The following PARP8 variants were observed in gnomAD, a reference collection of about 807,000 sequenced individuals.
The protein encoded by PARP8 is poly(ADP-ribose) polymerase family member 8.
PARP8 carries 51 observed loss-of-function variants against 124.1 expected under a neutral mutation model. The ratio of observed to expected loss-of-function variants is 0.41; its 90% CI spans 0.33 to 0.52. PARP8 has a LOEUF of 0.52. PARP8 is among the 20% of genes least tolerant of loss of function. The probability of loss-of-function intolerance (pLI) is 0.21; values close to 1 mark genes in which losing one functional copy is unlikely to be tolerated. For synonymous variants in PARP8, 391 were observed against 361.5 expected (o/e 1.08, Z -0.93); for missense variants, 860 against 1,018.9 (o/e 0.84, Z 2.12).
chr5:50,726,494 G>T (rs1160353234), intron 2 of PARP8, among the ~76,000 whole-genome samples: 1 of 152,116 alleles, frequency 6.6e-6, no homozygotes, highest in Admixed American at 6.6e-5. Context: ...CACATGATTA[G>T]CATCACTAAC....
chr5:50,720,248 A>T (rs1755742296), intron 2 of PARP8, among the ~76,000 whole-genome samples: 1 of 152,100 alleles, frequency 6.6e-6, no homozygotes, highest in African/African-American at 2.4e-5. Flanking sequence ...GGATTTGGGA[A>T]GTAGTACGTT....
At chr5:50,697,098 C>G (rs182750646) in intron 2 of PARP8, among the ~76,000 whole-genome samples, 1 of 152,186 alleles carries the variant, frequency 6.6e-6, no homozygotes, top group Non-Finnish European at 1.5e-5. Flanking sequence ...GAAACTCCTT[C>G]TCTATTCAGA....
chr5:50,790,277 T>A (rs1404272104), intron 10 of PARP8, among the ~76,000 whole-genome samples: 1 of 152,088 alleles, frequency 6.6e-6, no homozygotes, highest in African/African-American at 2.4e-5. Context: ...CAGGATAAAT[T>A]TTCTCAGTTT....
At chr5:50,717,921 A>G (rs1265944207) in intron 2 of PARP8, among the ~76,000 whole-genome samples, 7 of 151,852 alleles carry the variant, frequency 4.6e-5, no homozygotes, top group African/African-American at 1.7e-4. Flanking sequence ...TAACAAGCAG[A>G]AGCCCAGTTT....
intron 7 of PARP8, among the ~76,000 whole-genome samples, chr5:50,777,791 C>T (rs1740198559): frequency 1.3e-5 from 2 of 152,116 alleles, no homozygotes; most frequent in Non-Finnish European, 2.9e-5. Flanking sequence ...TAATTTGCCA[C>T]AGAAAACGGA....
At chr5:50,777,413 A>G (rs1212764845) in intron 7 of PARP8, among the ~76,000 whole-genome samples, 3 of 152,194 alleles carry the variant, frequency 2.0e-5, no homozygotes, top group African/African-American at 4.8e-5. Flanking sequence ...TGTGTTATAT[A>G]TGGAGAATAT....
intron 9 of PARP8, among the ~76,000 whole-genome samples, chr5:50,787,214 T>C (rs1285318645): frequency 6.6e-6 from 1 of 152,184 alleles, no homozygotes; most frequent in Admixed American, 6.5e-5. Context: ...GTTCTATATA[T>C]CTTGCTTCAC....
chr5:50,702,655 C>T (rs1753718488), intron 2 of PARP8, among the ~76,000 whole-genome samples: 2 of 152,090 alleles, frequency 1.3e-5, no homozygotes, highest in African/African-American at 4.8e-5. Context: ...CTGCTCTTTC[C>T]CTCCACTTAG....
chr5:50,789,434 T>G (rs1580348304), intron 10 of PARP8, among the ~76,000 whole-genome samples: 1 of 152,140 alleles, frequency 6.6e-6, no homozygotes, highest in South Asian at 2.1e-4. Flanking sequence ...CACTGGCCTG[T>G]GTTTTGGTAT....
intron 2 of PARP8, among the ~76,000 whole-genome samples, chr5:50,707,362 T>C (rs951332361): frequency 6.6e-6 from 1 of 152,062 alleles, no homozygotes; most frequent in Non-Finnish European, 1.5e-5. Flanking sequence ...AAAGTGCTTT[T>C]GTATTCTGTA....
chr5:50,764,413 T>C (rs1561347021), intron 7 of PARP8, among the ~76,000 whole-genome samples: 1 of 152,246 alleles, frequency 6.6e-6, no homozygotes, highest in East Asian at 1.9e-4. Context: ...AATGGACATA[T>C]GCATATTTTG....
chr5:50,826,730 G>A (rs1451156541), intron 18 of PARP8, 25 bp from the exon 19 acceptor site: 1 of 1,565,396 alleles, frequency 6.4e-7, no homozygotes, highest in Non-Finnish European at 8.6e-7. Context: ...ATGTATTTGT[G>A]ACTAATGGAT....
intron 7 of PARP8, among the ~76,000 whole-genome samples, chr5:50,771,111 A>G (rs1014252000): frequency 4.0e-5 from 6 of 150,670 alleles, no homozygotes; most frequent in African/African-American, 9.7e-5. Context: ...CTCTATATAT[A>G]TATATACACA....
rs1748555286 is a variant in PARP8 at position 50,845,603 on chromosome 5, G to A, written c.*3535G>A. Reference sequence around the variant, plus strand: ...CAGGAAGACCATACTGGACACAGATGTTGTCAGTTACTTCTGGACAATGTG... The same window carrying A: ...CAGGAAGACCATACTGGACACAGATATTGTCAGTTACTTCTGGACAATGTG... On this transcript the variant is annotated 3_prime_UTR_variant, in exon 26 of 26. Coordinates refer to ENST00000281631, the MANE Select transcript of PARP8 (RefSeq NM_024615.4). 1 of 151,790 alleles carries A rather than the reference G, an allele frequency of 6.6e-6. No individual in the cohort carries two copies. The highest frequency in any genetic ancestry group is 6.6e-5 in the Admixed American group (1 of 15,184). 9.4% of individuals were successfully genotyped at this position (151,790 alleles called of 1,614,324 possible). A position where few individuals can be genotyped will look rare whatever the true frequency, so the allele number is the denominator to read the frequency against.
At chr5:50,685,148 C>T (rs886094127) in intron 2 of PARP8, among the ~76,000 whole-genome samples, 6 of 152,058 alleles carry the variant, frequency 3.9e-5, no homozygotes, top group African/African-American at 1.4e-4. Context: ...GGGCACTGTC[C>T]CCATGCATGG....
chr5:50,807,477 G>A (rs1743983840), intron 14 of PARP8, among the ~76,000 whole-genome samples: 1 of 152,024 alleles, frequency 6.6e-6, no homozygotes, highest in Non-Finnish European at 1.5e-5. Flanking sequence ...CTCCATTGTG[G>A]AATCAACTAG....
intron 2 of PARP8, among the ~76,000 whole-genome samples, chr5:50,702,041 T>G (rs1218547915): frequency 6.6e-6 from 1 of 152,126 alleles, no homozygotes; most frequent in African/African-American, 2.4e-5. Flanking sequence ...TAAAATGACA[T>G]GAAGTTTTCC....
At chr5:50,755,227 T>C (rs1759792953) in intron 3 of PARP8, among the ~76,000 whole-genome samples, 2 of 152,232 alleles carry the variant, frequency 1.3e-5, no homozygotes, top group Non-Finnish European at 2.9e-5. Flanking sequence ...GCCATTGCTT[T>C]TGGTGTTTTA....
intron 7 of PARP8, among the ~76,000 whole-genome samples, chr5:50,770,124 C>T (rs1424123130): frequency 6.6e-6 from 1 of 152,012 alleles, no homozygotes; most frequent in African/African-American, 2.4e-5. Context: ...TGTATCGACT[C>T]CTTCACTAAT....
Sources: gnomAD v4.1 joint callset for allele counts (sites outside exome capture counted in the v4.1 genomes callset) on GRCh38, gnomAD v4.1.1 for gene constraint, MANE v1.5 for transcripts, NCBI Gene and HGNC (gene_info 2026-07-23, HGNC 2026-07-21) for gene names.